Variants in CAGE1 observed in about 807,000 individuals in gnomAD.
The protein encoded by CAGE1 is cancer-associated gene 1 protein.
Under a neutral mutation model 94.9 loss-of-function variants are expected in CAGE1, and 66 were observed. The ratio of observed to expected loss-of-function variants is 0.70; its 90% CI spans 0.57 to 0.85. The LOEUF is 0.85. CAGE1 is among the 40% of genes least tolerant of loss of function. The pLI, the probability that CAGE1 is intolerant of heterozygous loss-of-function variation, is 0.00. For synonymous variants in CAGE1, 319 were observed against 321.0 expected (o/e 0.99, Z 0.07); for missense variants, 865 against 950.4 (o/e 0.91, Z 1.18).
At chr6:7,344,827 ACT>A (rs778426073) in intron 11 of CAGE1, among the ~76,000 whole-genome samples, 92 of 152,132 alleles carry the variant, frequency 6.0e-4, no homozygotes, top group Admixed American at 2.2e-3. Context: ...ACCAATCAAC[ACT>A]CTGTATCTAG....
At chr6:7,332,053 T>C (rs1376830539) in intron 12 of CAGE1, among the ~76,000 whole-genome samples, 2 of 152,182 alleles carry the variant, frequency 1.3e-5, no homozygotes, top group Admixed American at 6.6e-5. Context: ...CTGTACTGTC[T>C]TAATATTAAT....
At chr6:7,337,055 G>A (rs1758978292) in intron 11 of CAGE1, among the ~76,000 whole-genome samples, 1 of 151,882 alleles carries the variant, frequency 6.6e-6, no homozygotes, top group Admixed American at 6.6e-5. Context: ...GGGCAAGGTG[G>A]CTCACACCTG....
intron 9 of CAGE1, 140 bp downstream of exon 9, chr6:7,365,328 G>T: frequency 1.6e-6 from 1 of 627,686 alleles, no homozygotes; most frequent in Non-Finnish European, 2.7e-6. Context: ...ATATTATTGT[G>T]GGTAAATAAT....
At chr6:7,369,589 T>G (rs755989893) in intron 6 of CAGE1, among the ~76,000 whole-genome samples, 1 of 152,194 alleles carries the variant, frequency 6.6e-6, no homozygotes, top group Non-Finnish European at 1.5e-5. Flanking sequence ...TGAACAGTCA[T>G]TAATCACTAG....
intron 3 of CAGE1, among the ~76,000 whole-genome samples, chr6:7,379,603 A>G (rs1455796635): frequency 6.6e-6 from 1 of 152,228 alleles, no homozygotes; most frequent in Non-Finnish European, 1.5e-5. Context: ...GTTTTTTAAA[A>G]TCAGGAGCAA....
At chr6:7,335,544 C>A (rs191657956) in intron 11 of CAGE1, among the ~76,000 whole-genome samples, 2 of 152,204 alleles carry the variant, frequency 1.3e-5, no homozygotes, top group East Asian at 3.8e-4. Flanking sequence ...GAGAATGCTG[C>A]AGCCGTGAGA....
intron 12 of CAGE1, among the ~76,000 whole-genome samples, chr6:7,330,613 A>G (rs1268764641): frequency 6.6e-6 from 1 of 152,216 alleles, no homozygotes; most frequent in Non-Finnish European, 1.5e-5. Context: ...GGCAAAAGCA[A>G]TGCCATAATT....
At chr6:7,337,537 C>T (rs927528580) in intron 11 of CAGE1, among the ~76,000 whole-genome samples, 23 of 151,978 alleles carry the variant, frequency 1.5e-4, no homozygotes, top group African/African-American at 5.3e-4. Flanking sequence ...GAGTTTACTT[C>T]GTATGTGGTG....
intron 11 of CAGE1, chr6:7,341,215 G>C: frequency 1.5e-6 from 1 of 664,668 alleles, no homozygotes; most frequent in Non-Finnish European, 2.7e-6. Context: ...CTTGTGCTAG[G>C]TGATGCCAGA....
rs375433366 is a variant in CAGE1, at chr6:7,329,864, C to A, written c.2463G>T (p.Pro821=). The change falls in exon 13 of 14, where the codon CCG becomes CCT. Residue 821 remains proline, a synonymous_variant. Coordinates refer to ENST00000502583, the MANE Select transcript of CAGE1 (RefSeq NM_001170692.2). ...KPRSKSLENH[P]KSMTMMPALF... Reference sequence around the variant, plus strand: ...GGTGACCTACCATGGTCATGGACTTCGGATGATTTTCTAAGCTTTTTGATC... The same window carrying A: ...GGTGACCTACCATGGTCATGGACTTAGGATGATTTTCTAAGCTTTTTGATC... 1 of 1,458,126 alleles carries A rather than the reference C, an allele frequency of 6.9e-7. No homozygotes were observed. Among genetic ancestry groups the A allele is most frequent in the Non-Finnish European group, 9.5e-7 (1 of 1,051,040 alleles). 90.3% of individuals were successfully genotyped at this position (1,458,126 alleles called of 1,614,324 possible).
chr6:7,353,696 TACACACACACACACACACAC>T (rs59990182), intron 11 of CAGE1, among the ~76,000 whole-genome samples: 19 of 139,596 alleles, frequency 1.4e-4, no homozygotes, highest in Non-Finnish European at 1.7e-4. Flanking sequence ...TATATATATG[TACACACACACACACACACAC>T]ACACACACAC....
chr6:7,341,842 T>TA, intron 11 of CAGE1: 1 of 678,934 alleles, frequency 1.5e-6, no homozygotes, highest in Non-Finnish European at 2.8e-6. Flanking sequence ...CTTGCACTAG[T>TA]AGGTCAGGAA....
At chr6:7,340,490 T>C (rs1759120861) in intron 11 of CAGE1, among the ~76,000 whole-genome samples, 1 of 152,296 alleles carries the variant, frequency 6.6e-6, no homozygotes, top group East Asian at 1.9e-4. Flanking sequence ...ATAAACCATC[T>C]AAATAGGGGC....
At chr6:7,345,082 A>G (rs370248677) in intron 11 of CAGE1, among the ~76,000 whole-genome samples, 50 of 151,862 alleles carry the variant, frequency 3.3e-4, no homozygotes, top group African/African-American at 1.1e-3. Flanking sequence ...TTGTTCTTTC[A>G]CCCTGCAGTA....
At chr6:7,371,132 G>A (rs1760524207) in intron 5 of CAGE1, among the ~76,000 whole-genome samples, 1 of 152,106 alleles carries the variant, frequency 6.6e-6, no homozygotes, top group African/African-American at 2.4e-5. Context: ...CTCAAAGTGT[G>A]GTCCCAGGAG....
intron 9 of CAGE1, among the ~76,000 whole-genome samples, chr6:7,360,329 C>T (rs1472658579): frequency 6.6e-6 from 1 of 152,114 alleles, no homozygotes; most frequent in Non-Finnish European, 1.5e-5. Flanking sequence ...TACTGAGGCC[C>T]TCTATGATTT....
At position 7,374,098 on chromosome 6, in the gene CAGE1, CATA is replaced by C; in HGVS notation, c.718_720del (p.Tyr240del). 6.2e-7 allele frequency: 1 copy of C among 1,613,378 alleles called. No homozygotes were observed. The highest frequency in any genetic ancestry group is 1.1e-5 in the South Asian group (1 of 91,034). Reference sequence around the variant, plus strand: ...CTGACTGACATCTCAGGAATCTCCCCATAATTCTGTATTTCTTTTGAAGGAACT... The same window carrying C: ...CTGACTGACATCTCAGGAATCTCCCCATTCTGTATTTCTTTTGAAGGAACT... On this transcript the variant is annotated inframe_deletion, in exon 5 of 14. Transcript: ENST00000502583.
intron 4 of CAGE1, 120 bp downstream of exon 4, chr6:7,378,497 C>A: frequency 1.3e-6 from 1 of 766,754 alleles, no homozygotes; most frequent in South Asian, 3.0e-5. Flanking sequence ...TTTAATACTC[C>A]ACAGGCTTTA....
intron 11 of CAGE1, among the ~76,000 whole-genome samples, chr6:7,345,117 C>G (rs1001692188): frequency 2.0e-5 from 3 of 150,994 alleles, no homozygotes; most frequent in African/African-American, 4.9e-5. Flanking sequence ...TTGCTGTTTG[C>G]TCTTTAGATC....
Sources: gnomAD v4.1 joint callset for allele counts (sites outside exome capture counted in the v4.1 genomes callset) on GRCh38, gnomAD v4.1.1 for gene constraint, MANE v1.5 for transcripts, NCBI Gene and HGNC (gene_info 2026-07-23, HGNC 2026-07-21) for gene names.